Variants in NHS observed in about 807,000 individuals in gnomAD.
NHS encodes actin remodeling regulator NHS.
Under a neutral mutation model 72.5 loss-of-function variants are expected in NHS, and 5 were observed. That is an observed-to-expected ratio of 0.07 (90% confidence interval 0.04 to 0.14). The LOEUF is 0.14. NHS is among the 10% of genes least tolerant of loss of function. The pLI, the probability that NHS is intolerant of heterozygous loss-of-function variation, is 1.00. For missense variants in NHS, 1,072 were observed against 1,355.7 expected, an observed-to-expected ratio of 0.79 and a Z score of 3.29; for synonymous variants, 464 against 547.7, an observed-to-expected ratio of 0.85 and a Z score of 2.13.
chrX:17,375,453 G>C lies in NHS; in HGVS notation c.-305G>C. ...CGGCGAGCACAGAAACGATGGAGTT[G>C]AGCCAGTCGACCCTGGTTGGAAGCA... On this transcript the variant is annotated 5_prime_UTR_variant, in exon 1 of 9. Coordinates refer to ENST00000676302, the MANE Select transcript of NHS (RefSeq NM_001291867.2). 1 of 405,330 alleles carries C rather than the reference G, an allele frequency of 2.5e-6. No homozygotes were observed. The highest frequency in any genetic ancestry group is 4.3e-6 in the Non-Finnish European group (1 of 234,873). The allele number at this position is 405,330 out of a possible 1,213,427, so 33.4% of individuals were successfully genotyped here. A position where few individuals can be genotyped will look rare whatever the true frequency, so the allele number is the denominator to read the frequency against.
intron 1 of NHS, among the ~76,000 whole-genome samples, chrX:17,399,611 A>G (rs776805933): frequency 4.5e-5 from 5 of 111,531 alleles, no homozygotes; most frequent in Non-Finnish European, 9.4e-5. Flanking sequence ...ACAAACATTT[A>G]TTGTTGAGTG....
intron 3 of NHS, among the ~76,000 whole-genome samples, chrX:17,706,532 G>A (rs193263687): frequency 0.018 from 1,922 of 109,640 alleles, 27 homozygotes; most frequent in Non-Finnish European, 0.024. Context: ...CACAGTTGGC[G>A]CCATGGACAT....
chrX:17,663,254 A>T (rs1445851995), intron 1 of NHS, among the ~76,000 whole-genome samples: 1 of 111,952 alleles, frequency 8.9e-6, no homozygotes, highest in Non-Finnish European at 1.9e-5. Flanking sequence ...TGTAATTTAC[A>T]TACAGTTGAG....
In NHS at chrX:17,719,336, G is replaced by A; in HGVS notation, c.853-8G>A. On this transcript the variant is annotated splice_polypyrimidine_tract_variant and splice_region_variant and intron_variant, in intron 3 of 8. Coordinates refer to ENST00000676302, the MANE Select transcript of NHS (RefSeq NM_001291867.2). ...AATTTTTTCTTTTTTTGCATTTCAT[G>A]TTCATAGTTTAACAGCACCCGTTCG... The A allele has an allele frequency of 8.6e-7, 1 of 1,166,017 alleles. No individual in the cohort carries two copies. Among genetic ancestry groups the A allele is most frequent in the Non-Finnish European group, 1.1e-6 (1 of 871,951 alleles).
chrX:17,712,290 TACACACACACACAC>T (rs1308908423), intron 3 of NHS, among the ~76,000 whole-genome samples: 2 of 53,004 alleles, frequency 3.8e-5, no homozygotes, highest in African/African-American at 7.4e-5. Context: ...TATATATATA[TACACACACACACAC>T]ACACACATAT....
intron 1 of NHS, among the ~76,000 whole-genome samples, chrX:17,412,529 C>G (rs766554506): frequency 5.3e-4 from 58 of 110,381 alleles, no homozygotes; most frequent in Non-Finnish European, 9.9e-4. Flanking sequence ...CCCAGGAAGT[C>G]AAGGCTGCAG....
intron 1 of NHS, among the ~76,000 whole-genome samples, chrX:17,395,569 G>A (rs190406364): frequency 2.0e-3 from 219 of 112,240 alleles, no homozygotes; most frequent in African/African-American, 6.2e-3. Context: ...GAAGGCTGGT[G>A]TAAATGAACT....
chrX:17,447,773 G>GCACACACACACGCACACAAACACACA (rs2064788010), intron 1 of NHS, among the ~76,000 whole-genome samples: 1 of 77,995 alleles, frequency 1.3e-5, no homozygotes, highest in South Asian at 6.5e-4. Context: ...ACACACACAC[G>GCACACACACACGCACACAAACACACA]CACACACACA....
chrX:17,546,155 C>G (rs1169258196), intron 1 of NHS, among the ~76,000 whole-genome samples: 1 of 111,438 alleles, frequency 9.0e-6, no homozygotes, highest in Non-Finnish European at 1.9e-5. Context: ...TCAGGGACTG[C>G]CAAAAAAAGG....
At chrX:17,387,682 A>G (rs934853660) in intron 1 of NHS, among the ~76,000 whole-genome samples, 1 of 112,643 alleles carries the variant, frequency 8.9e-6, no homozygotes, top group Non-Finnish European at 1.9e-5. Flanking sequence ...TTAAGAGAGT[A>G]GACTCTGAAG....
In NHS at chrX:17,447,773, GCA is replaced by G. The variant is rs1422661370; in HGVS notation, c.565+71461_565+71462del. Among the ~76,000 whole-genome samples, 41 of 77,992 alleles carry G rather than the reference GCA, an allele frequency of 5.3e-4. No individual in the cohort carries two copies. In the East Asian group the frequency reaches 0.011, roughly 21 times the overall value. 67.7% of individuals were successfully genotyped at this position (77,992 alleles called of 115,157 possible). On this transcript the variant is annotated intron_variant, in intron 1 of 8. Transcript: ENST00000676302. ...ACTTTGGCCACACACACACACACAC[GCA>G]CACACACACGCACACACACACACAC...
chrX:17,428,518 T>C (rs1159251201), intron 1 of NHS, among the ~76,000 whole-genome samples: 2 of 111,687 alleles, frequency 1.8e-5, no homozygotes, highest in African/African-American at 6.5e-5. Context: ...CCTCATAAGA[T>C]TGAGAATAGG....
At chrX:17,699,359 A>C (rs1239628498) in intron 3 of NHS, among the ~76,000 whole-genome samples, 1 of 112,103 alleles carries the variant, frequency 8.9e-6, no homozygotes, top group African/African-American at 3.2e-5. Flanking sequence ...ATAGACAGAT[A>C]TATCAGTAGA....
intron 1 of NHS, among the ~76,000 whole-genome samples, chrX:17,656,875 G>A (rs968347803): frequency 1.8e-5 from 2 of 112,087 alleles, no homozygotes; most frequent in Admixed American, 1.9e-4. Context: ...TAAGGGCTGG[G>A]GAGAAGTCGA....
At chrX:17,463,589 T>A (rs1601717532) in intron 1 of NHS, among the ~76,000 whole-genome samples, 1 of 111,748 alleles carries the variant, frequency 8.9e-6, no homozygotes, top group African/African-American at 3.2e-5. Context: ...CCTCTTGTGA[T>A]CCCTGACTTT....
At chrX:17,447,029 A>G (rs1288541727) in intron 1 of NHS, among the ~76,000 whole-genome samples, 1 of 112,056 alleles carries the variant, frequency 8.9e-6, no homozygotes, top group Non-Finnish European at 1.9e-5. Context: ...CCAACTCTTT[A>G]ATTTTGGCCT....
chrX:17,666,728 G>A (rs1601825634), intron 1 of NHS, among the ~76,000 whole-genome samples: 1 of 112,809 alleles, frequency 8.9e-6, no homozygotes, highest in South Asian at 3.6e-4. Flanking sequence ...GCTATGCTAT[G>A]ATAACAGATA....
intron 1 of NHS, among the ~76,000 whole-genome samples, chrX:17,419,487 ACTG>A (rs775339071): frequency 2.1e-4 from 23 of 111,758 alleles, no homozygotes; most frequent in Admixed American, 1.2e-3. Flanking sequence ...GAAAAAAATA[ACTG>A]TTGTCTTTAA....
chrX:17,611,330 G>A (rs779615473), intron 1 of NHS, among the ~76,000 whole-genome samples: 1 of 111,889 alleles, frequency 8.9e-6, no homozygotes, highest in East Asian at 2.8e-4. Context: ...CCTACCCTCC[G>A]CTTTCCTTTT....
Sources: gnomAD v4.1 joint callset for allele counts (sites outside exome capture counted in the v4.1 genomes callset) on GRCh38, gnomAD v4.1.1 for gene constraint, MANE v1.5 for transcripts, NCBI Gene and HGNC (gene_info 2026-07-23, HGNC 2026-07-21) for gene names.